Variants in HEATR4 observed in about 807,000 individuals in gnomAD.
The protein encoded by HEATR4 is HEAT repeat-containing protein 4.
In HEATR4, 95 loss-of-function variants were observed where a neutral mutation model predicts 108.8. That is an observed-to-expected ratio of 0.87 (90% CI 0.74 to 1.04). HEATR4 has a LOEUF of 1.04. Among genes scored for constraint, HEATR4 ranks in the 50% least tolerant of loss-of-function variants. HEATR4 has a pLI of 0.00. For synonymous variants in HEATR4, 443 were observed against 459.4 expected (o/e 0.96, Z 0.46); for missense variants, 1,152 against 1,253.8 (o/e 0.92, Z 1.23).
intron 1 of HEATR4, among the ~76,000 whole-genome samples, chr14:73,540,983 C>T (rs1353900877): frequency 8.6e-6 from 1 of 115,878 alleles, no homozygotes; most frequent in Non-Finnish European, 1.9e-5. Flanking sequence ...CTCAGGTGAT[C>T]CACCCGTCTC....
intron 5 of HEATR4, among the ~76,000 whole-genome samples, chr14:73,518,729 A>G (rs770239472): frequency 2.6e-5 from 4 of 152,186 alleles, no homozygotes; most frequent in Non-Finnish European, 5.9e-5. Flanking sequence ...TTTCCCTGTT[A>G]GCATTGAGAT....
At chr14:73,630,189 T>C in the HEATR4 span, among the ~76,000 whole-genome samples, 5 of 152,024 alleles carry the variant, frequency 3.3e-5, no homozygotes, top group Non-Finnish European at 7.4e-5. Flanking sequence ...TTCTTCATGG[T>C]CCAGGACACA....
chr14:73,617,131 T>TTCTGGG, the HEATR4 span: 1 of 1,613,484 alleles, frequency 6.2e-7, no homozygotes, highest in Non-Finnish European at 8.5e-7. Context: ...CCCGAAGATC[T>TTCTGGG]GAATGATGTA....
chr14:73,492,699 A>T lies in HEATR4; in HGVS notation c.2844+367T>A. The T allele has an allele frequency of 6.2e-7, 1 of 1,613,944 alleles. No homozygotes were observed. The highest frequency in any genetic ancestry group is 8.5e-7 in the Non-Finnish European group (1 of 1,179,876). On this transcript the variant is annotated intron_variant, in intron 17 of 17. Transcript: ENST00000553558. The surrounding 1 kb of genome is among the most constrained non-coding windows in gnomAD (Gnocchi z 4.9). ...GATGGGATAGCTCGGCTGGTGGGTG[A>T]GGGGGGCCATTTGTTTCTCTATTAC...
At chr14:73,610,031 T>C in the HEATR4 span, among the ~76,000 whole-genome samples, 15 of 151,982 alleles carry the variant, frequency 9.9e-5, no homozygotes, top group African/African-American at 3.4e-4. Flanking sequence ...CTGGTGTACC[T>C]GGATAAACAC....
the HEATR4 span, among the ~76,000 whole-genome samples, chr14:73,633,004 TCTC>T: frequency 0.019 from 2,195 of 115,558 alleles, 59 homozygotes; most frequent in African/African-American, 0.07. Flanking sequence ...TCTCTCTCTC[TCTC>T]TTTTTTTTTT....
chr14:73,606,798 C>T, the HEATR4 span, among the ~76,000 whole-genome samples: 26,941 of 152,170 alleles, frequency 0.18, 4,063 homozygotes, highest in African/African-American at 0.41. Flanking sequence ...CGAGAGATCA[C>T]ACAGTGATCT....
At chr14:73,490,937 T>G (rs1885664876) in intron 17 of HEATR4, 1 of 1,271,894 alleles carries the variant, frequency 7.9e-7, no homozygotes, top group Non-Finnish European at 1.0e-6. Flanking sequence ...CTTCCCAGAG[T>G]GCACCGCAGC....
At chr14:73,534,505 T>A (rs1166847103) in intron 1 of HEATR4, among the ~76,000 whole-genome samples, 1 of 112,148 alleles carries the variant, frequency 8.9e-6, no homozygotes, top group African/African-American at 2.9e-5. Context: ...CCAGGCAACA[T>A]AGGGAGACCC....
chr14:73,595,331 CA>C, the HEATR4 span: 1 of 1,614,222 alleles, frequency 6.2e-7, no homozygotes, highest in Non-Finnish European at 8.5e-7. Context: ...AGAGAAGGCC[CA>C]GGGGCCCATC....
the HEATR4 span, among the ~76,000 whole-genome samples, chr14:73,566,014 A>T: frequency 6.6e-6 from 1 of 151,942 alleles, no homozygotes; most frequent in African/African-American, 2.4e-5. Context: ...AGCTAGACAC[A>T]AAAGTTCTCC....
At chr14:73,619,428 TAA>T in the HEATR4 span, 87 of 1,614,080 alleles carry the variant, frequency 5.4e-5, no homozygotes, top group Non-Finnish European at 7.2e-5. Context: ...TAAAAATCAC[TAA>T]GTCAGGATTT....
In HEATR4 at chr14:73,512,088, A is replaced by G; in HGVS notation, c.1476T>C (p.Asp492=). The change falls in exon 7 of 18, where the codon GAT becomes GAC. Residue 492 remains aspartate (D), a synonymous_variant. Coordinates refer to ENST00000553558, the MANE Select transcript of HEATR4 (RefSeq NM_001220484.1). ...TGGTGATAGCTTTGATCCGAACGTC[A>G]TCATGCAGGTCTCCCAAGCTCTGAA... ...NLLQSLGDLH[D]DVRIKAITTC... The G allele has an allele frequency of 1.2e-6, 2 of 1,614,154 alleles. No homozygotes were observed. The highest frequency in any genetic ancestry group is 1.7e-6 in the Non-Finnish European group (2 of 1,180,032).
At chr14:73,524,392 A>T (rs1024058776) in intron 2 of HEATR4, among the ~76,000 whole-genome samples, 1 of 146,392 alleles carries the variant, frequency 6.8e-6, no homozygotes, top group African/African-American at 2.6e-5. Context: ...TTCATGAATT[A>T]TTGGATGGGT....
In HEATR4 at chr14:73,519,123, G is replaced by C. The variant is rs184973348; in HGVS notation, c.1110C>G (p.Asp370Glu). 2.5e-6 allele frequency: 4 copies of C among 1,613,810 alleles called. No homozygotes were observed. The East Asian group carries it at 8.9e-5, about 36-fold the overall frequency. Residue 370 changes from aspartate to glutamate, a missense_variant, in exon 5 of 18, where the codon GAC (aspartate) becomes GAG (glutamate). By Grantham distance (45) the Asp-to-Glu change is conservative (BLOSUM62 2). Transcript: ENST00000553558. ...QIIHQIGAKR[D>E]QIVLENLNRY... Reference sequence around the variant, plus strand: ...GATTTAGGTTTTCCAGGACAATCTGGTCTCTCTTTGCACCAATCTGGTGGA... The same window carrying C: ...GATTTAGGTTTTCCAGGACAATCTGCTCTCTCTTTGCACCAATCTGGTGGA...
chr14:73,601,437 G>A, the HEATR4 span, among the ~76,000 whole-genome samples: 3 of 152,134 alleles, frequency 2.0e-5, no homozygotes, highest in Non-Finnish European at 2.9e-5. Context: ...GGTGGCGCAC[G>A]CCTGTAATCC....
intron 4 of HEATR4, chr14:73,520,617 C>T: frequency 2.3e-6 from 1 of 427,228 alleles, no homozygotes. Flanking sequence ...TTCATTGCCT[C>T]TTTAGTAAGA....
intron 17 of HEATR4, among the ~76,000 whole-genome samples, chr14:73,488,879 T>A (rs1885553279): frequency 6.6e-6 from 1 of 151,712 alleles, no homozygotes; most frequent in Non-Finnish European, 1.5e-5. Flanking sequence ...AAAAATTAGC[T>A]TCGGTGGTAG....
intron 8 of HEATR4, among the ~76,000 whole-genome samples, chr14:73,508,696 A>C (rs1887003657): frequency 7.3e-6 from 1 of 136,526 alleles, no homozygotes; most frequent in Non-Finnish European, 1.5e-5. Flanking sequence ...TTGCAGTGTG[A>C]GCTGAGATCC....
Sources: gnomAD v4.1 joint callset for allele counts (sites outside exome capture counted in the v4.1 genomes callset) on GRCh38, gnomAD v4.1.1 for gene constraint, Gnocchi (gnomAD v3.1) non-coding constraint, MANE v1.5 for transcripts, NCBI Gene and HGNC (gene_info 2026-07-23, HGNC 2026-07-21) for gene names.